DDX4: variants seen among roughly 807,000 people sequenced by gnomAD.
The protein encoded by DDX4 is DEAD-box helicase 4.
DDX4 carries 25 observed loss-of-function variants against 100.0 expected under a neutral mutation model. The observed-to-expected ratio is 0.25, with a 90% CI of 0.18 to 0.35. The LOEUF is 0.35. Among genes scored for constraint, DDX4 ranks in the 10% least tolerant of loss-of-function variants. The pLI is 1.00. For synonymous variants in DDX4, 259 were observed against 275.7 expected, an observed-to-expected ratio of 0.94 and a Z score of 0.60; for missense variants, 635 against 882.4, an observed-to-expected ratio of 0.72 and a Z score of 3.55.
chr5:55,796,823 C>CTTTTTTTTTTTTTTTTTTTT lies in DDX4; in HGVS notation c.1470-1588_1470-1569dup, dbSNP rs3990072. Among the ~76,000 whole-genome samples the CTTTTTTTTTTTTTTTTTTTT allele has an allele frequency of 3.2e-3, 192 of 59,958 alleles. 25 individuals are homozygous for CTTTTTTTTTTTTTTTTTTTT. The highest frequency in any genetic ancestry group is 4.9e-3 in the Non-Finnish European group (151 of 30,922). The allele number at this position is 59,958 out of a possible 152,430, so 39.3% of individuals were successfully genotyped here. A position where few individuals can be genotyped will look rare whatever the true frequency, so the allele number is the denominator to read the frequency against. On this transcript the variant is annotated intron_variant, in intron 17 of 21. Coordinates refer to ENST00000505374, the MANE Select transcript of DDX4 (RefSeq NM_024415.3). ...TTTTCTTTTCTTTTTTTCTTTCTTT[C>CTTTTTTTTTTTTTTTTTTTT]TTTTTTTTTTTTTTTTTTTTTTTTT...
chr5:55,740,436 G>C (rs962269772), intron 2 of DDX4, among the ~76,000 whole-genome samples: 1 of 151,726 alleles, frequency 6.6e-6, no homozygotes, highest in Non-Finnish European at 1.5e-5. Flanking sequence ...CAAAATGCTG[G>C]ATTACAGTCA....
intron 21 of DDX4, among the ~76,000 whole-genome samples, chr5:55,815,774 C>CTTTTTTTTTTTT (rs67244556): frequency 7.4e-6 from 1 of 135,988 alleles, no homozygotes; most frequent in Non-Finnish European, 1.6e-5. Context: ...TTTTTCTTTT[C>CTTTTTTTTTTTT]TTTTTTTTTT....
chr5:55,767,907 C>A lies in DDX4; in HGVS notation c.361C>A (p.Pro121Thr). ...RESSNDCEDN[P>T]TRNRGFSKRG... is the part of the protein sequence containing the mutation. The stretch of plus-strand genomic sequence containing the variant: ...GTCTAGTAATGACTGCGAAGATAAT[C>A]CAACACGGAACAGAGGGTTTTCCAA... The change falls in exon 7 of 22, where the codon CCA (proline) becomes ACA (threonine). Residue 121 changes from proline to threonine, a missense_variant. This residue lies in a region of DDX4 where 446 missense variants were observed against 540.8 expected (regional missense o/e 0.82). Coordinates refer to ENST00000505374, the MANE Select transcript of DDX4 (RefSeq NM_024415.3). 1 of 1,613,902 alleles carries A rather than the reference C, an allele frequency of 6.2e-7. No individual in the cohort carries two copies. Among genetic ancestry groups the A allele is most frequent in the Non-Finnish European group, 8.5e-7 (1 of 1,179,900 alleles).
intron 7 of DDX4, among the ~76,000 whole-genome samples, chr5:55,772,630 C>G (rs1741320614): frequency 6.6e-6 from 1 of 152,144 alleles, no homozygotes; most frequent in Non-Finnish European, 1.5e-5. Context: ...GCGCAGATCT[C>G]TCATGAATAG....
At chr5:55,762,063 T>C (rs572534030) in intron 4 of DDX4, among the ~76,000 whole-genome samples, 1 of 152,328 alleles carries the variant, frequency 6.6e-6, no homozygotes, top group African/African-American at 2.4e-5. Context: ...ATCACACATC[T>C]TTGAAATCTG....
chr5:55,775,253 T>C (rs984753814), intron 7 of DDX4, among the ~76,000 whole-genome samples: 10 of 152,248 alleles, frequency 6.6e-5, no homozygotes, highest in African/African-American at 2.2e-4. Flanking sequence ...TGTTTATCCA[T>C]GTGACGGACA....
intron 13 of DDX4, 61 bp from the exon 14 acceptor site, chr5:55,786,457 C>A: frequency 1.5e-6 from 2 of 1,338,152 alleles, no homozygotes; most frequent in South Asian, 1.4e-5. Flanking sequence ...ATGAAATATG[C>A]TTATAAATGA....
In DDX4 at chr5:55,792,682, T is replaced by G. The variant is rs145819871; in HGVS notation, c.1344T>G (p.Ala448=). The change falls in exon 17 of 22, where the codon GCT becomes GCG. Residue 448 remains alanine, a synonymous_variant. Coordinates refer to ENST00000505374, the MANE Select transcript of DDX4 (RefSeq NM_024415.3). ...TCAAATACTTAGTTTTGGATGAAGCTGATCGCATGTTGGATATGGGTTTTG... is the reference window on the plus strand; with the variant it reads ...TCAAATACTTAGTTTTGGATGAAGCGGATCGCATGTTGGATATGGGTTTTG... The part of the protein sequence containing the change: ...KQIKYLVLDE[A]DRMLDMGFGP... The G allele has an allele frequency of 5.1e-4, 815 of 1,597,380 alleles. 6 individuals are homozygous for G. The African/African-American group carries it at 0.01, about 20-fold the overall frequency.
In DDX4 at chr5:55,815,896, A is replaced by G. The variant is rs183352071; in HGVS notation, c.2097+473A>G. On this transcript the variant is annotated intron_variant, in intron 21 of 21. Coordinates refer to ENST00000505374, the MANE Select transcript of DDX4 (RefSeq NM_024415.3). ...AAACAATTCTCATGCCTCAGCCTCC[A>G]GTGTATCTGGGATTACAGGCATGTG... is the stretch of plus-strand genomic sequence containing the variant. Among the ~76,000 whole-genome samples the G allele has an allele frequency of 9.3e-4, 135 of 144,732 alleles. 1 individual carries two copies. The highest frequency in any genetic ancestry group is 3.2e-3 in the African/African-American group (125 of 38,888). 94.9% of individuals were successfully genotyped at this position (144,732 alleles called of 152,430 possible). A position where few individuals can be genotyped will look rare whatever the true frequency, so the allele number is the denominator to read the frequency against.
chr5:55,795,191 CT>C (rs1374696977), intron 17 of DDX4, among the ~76,000 whole-genome samples: 10 of 152,078 alleles, frequency 6.6e-5, no homozygotes, highest in Admixed American at 4.6e-4. Context: ...TCTTGAACTC[CT>C]GACCTCAGCT....
intron 18 of DDX4, among the ~76,000 whole-genome samples, chr5:55,799,540 C>G (rs896879233): frequency 1.3e-5 from 2 of 151,952 alleles, no homozygotes; most frequent in African/African-American, 4.8e-5. Flanking sequence ...CATGCCCAAC[C>G]AGTTTTTTAG....
chr5:55,766,163 CATT>C (rs1287713105), intron 6 of DDX4, among the ~76,000 whole-genome samples: 1 of 151,832 alleles, frequency 6.6e-6, no homozygotes, highest in East Asian at 1.9e-4. Context: ...ATCTTGGTAT[CATT>C]ATCTCATTTT....
chr5:55,788,224 C>T (rs1290522040), intron 15 of DDX4, among the ~76,000 whole-genome samples: 1 of 152,042 alleles, frequency 6.6e-6, no homozygotes, highest in Non-Finnish European at 1.5e-5. Context: ...ACTATAATCC[C>T]AGTGCTTTGT....
In DDX4 at chr5:55,795,109, G is replaced by T. The variant is rs1403624634; in HGVS notation, c.1469+2302G>T. Among the ~76,000 whole-genome samples the T allele has an allele frequency of 3.9e-5, 6 of 152,038 alleles. No individual in the cohort carries two copies. The South Asian group carries it at 8.3e-4, about 21-fold the overall frequency. On this transcript the variant is annotated intron_variant, in intron 17 of 21. Coordinates refer to ENST00000505374, the MANE Select transcript of DDX4 (RefSeq NM_024415.3). The stretch of plus-strand genomic sequence containing the variant: ...GCCTCCTGAGTGGCTGGGATTACAG[G>T]CATGTACCACCACGTCCGGCTAATT...
chr5:55,761,194 C>T (rs1183384389), intron 4 of DDX4, among the ~76,000 whole-genome samples: 6 of 152,060 alleles, frequency 3.9e-5, no homozygotes, highest in Non-Finnish European at 8.8e-5. Context: ...GGTTTTTAAG[C>T]CTGCATATTA....
intron 7 of DDX4, 138 bp from the exon 8 acceptor site, chr5:55,779,826 T>C: frequency 7.4e-7 from 1 of 1,343,792 alleles, no homozygotes. Flanking sequence ...CAAAATGTCA[T>C]TTCTTTTTGA....
At chr5:55,774,138 A>T (rs1741417218) in intron 7 of DDX4, among the ~76,000 whole-genome samples, 1 of 150,236 alleles carries the variant, frequency 6.7e-6, no homozygotes, top group East Asian at 1.9e-4. Context: ...ATTTTTTTTT[A>T]ATTTATCTAA....
At chr5:55,799,034 AT>A (rs961323620) in intron 18 of DDX4, among the ~76,000 whole-genome samples, 7 of 151,378 alleles carry the variant, frequency 4.6e-5, no homozygotes, top group Non-Finnish European at 7.4e-5. Flanking sequence ...ATCTGTGGGA[AT>A]TTTTTTTTCT....
chr5:55,779,483 T>C (rs1442711723), intron 7 of DDX4, among the ~76,000 whole-genome samples: 1 of 152,218 alleles, frequency 6.6e-6, no homozygotes, highest in Non-Finnish European at 1.5e-5. Context: ...AAATTTTACT[T>C]GAACTGCTTC....
Sources: allele counts gnomAD v4.1 joint callset (sites outside exome capture counted in the v4.1 genomes callset), GRCh38; gene constraint gnomAD v4.1.1; regional missense constraint gnomAD v4.1.1; transcripts MANE v1.5; gene names NCBI Gene and HGNC (gene_info 2026-07-23, HGNC 2026-07-21).